The following NETO1 variants were observed in gnomAD, a reference collection of about 807,000 sequenced individuals.
NETO1 encodes neuropilin and tolloid-like protein 1.
NETO1 carries 26 observed loss-of-function variants against 61.3 expected under a neutral mutation model. The observed-to-expected ratio is 0.42, with a 90% confidence interval of 0.31 to 0.59. The LOEUF is 0.59. NETO1 is among the 20% of genes least tolerant of loss of function. The pLI is 0.12. For synonymous variants in NETO1, 225 were observed against 225.8 expected, an observed-to-expected ratio of 1.00 and a Z score of 0.03; for missense variants, 531 against 662.8, an observed-to-expected ratio of 0.80 and a Z score of 2.18.
chr18:72,853,563 G>A (rs1007612131), intron 4 of NETO1, among the ~76,000 whole-genome samples: 1 of 152,008 alleles, frequency 6.6e-6, no homozygotes, highest in African/African-American at 2.4e-5. Context: ...TTCAAGACTG[G>A]TCTGGCCAAC....
intron 4 of NETO1, among the ~76,000 whole-genome samples, chr18:72,816,614 A>C (rs1041529825): frequency 6.6e-6 from 1 of 152,174 alleles, no homozygotes; most frequent in African/African-American, 2.4e-5. Flanking sequence ...GGCAGCAGCA[A>C]GGAGAATTTC....
chr18:72,768,497 C>G (rs1346511025), intron 7 of NETO1, among the ~76,000 whole-genome samples: 2 of 152,170 alleles, frequency 1.3e-5, no homozygotes, highest in Admixed American at 6.6e-5. Context: ...TAAATAATGG[C>G]TCTCCAAGTT....
intron 6 of NETO1, among the ~76,000 whole-genome samples, chr18:72,786,834 T>C (rs998422378): frequency 2.0e-5 from 3 of 151,694 alleles, no homozygotes; most frequent in African/African-American, 7.3e-5. Flanking sequence ...AAAAGATTTT[T>C]TTTTCAGATG....
intron 3 of NETO1, among the ~76,000 whole-genome samples, chr18:72,861,440 C>T (rs1458413241): frequency 6.6e-6 from 1 of 152,154 alleles, no homozygotes; most frequent in Non-Finnish European, 1.5e-5. Context: ...CTTCAATTTG[C>T]TTCACCTTCA....
intron 6 of NETO1, among the ~76,000 whole-genome samples, chr18:72,786,927 C>A (rs944499982): frequency 6.7e-6 from 1 of 148,970 alleles, no homozygotes; most frequent in Non-Finnish European, 1.5e-5. Flanking sequence ...AACAAACAAA[C>A]AAAAAAGGCT....
chr18:72,757,304 T>C (rs2070815962), intron 7 of NETO1, among the ~76,000 whole-genome samples: 1 of 152,152 alleles, frequency 6.6e-6, no homozygotes, highest in South Asian at 2.1e-4. Context: ...TTCTTTACTA[T>C]ATTTGCTACA....
At position 72,746,780 on chromosome 18, in the gene NETO1, TA is replaced by T. The variant is rs1371896571; in HGVS notation, c.*1398del. On this transcript the variant is annotated 3_prime_UTR_variant, in exon 11 of 11. Transcript: ENST00000327305. Reference sequence around the variant, plus strand: ...TGTTGGGAAGCATATATACTGATAGTAATTCTTATTTTAAAAATTTATTTTG... The same window carrying T: ...TGTTGGGAAGCATATATACTGATAGTATTCTTATTTTAAAAATTTATTTTG... Among the ~76,000 whole-genome samples the T allele has an allele frequency of 1.3e-5, 2 of 152,040 alleles. No homozygotes were observed. The highest frequency in any genetic ancestry group is 2.1e-4 in the South Asian group (1 of 4,832).
intron 4 of NETO1, among the ~76,000 whole-genome samples, chr18:72,842,009 T>A (rs537310889): frequency 6.6e-6 from 1 of 152,266 alleles, no homozygotes; most frequent in African/African-American, 2.4e-5. Flanking sequence ...ATGCTATTTT[T>A]CCACTTAGTA....
chr18:72,850,667 C>A (rs1052073464), intron 4 of NETO1, among the ~76,000 whole-genome samples: 2 of 152,178 alleles, frequency 1.3e-5, no homozygotes, highest in African/African-American at 4.8e-5. Context: ...AGCCCAGTAA[C>A]TAAAGACATT....
intron 4 of NETO1, among the ~76,000 whole-genome samples, chr18:72,853,039 T>A (rs976142933): frequency 6.6e-6 from 1 of 151,964 alleles, no homozygotes; most frequent in African/African-American, 2.4e-5. Context: ...TTCACCATGT[T>A]GGCCAGGTTG....
intron 4 of NETO1, among the ~76,000 whole-genome samples, chr18:72,795,041 C>T (rs899419035): frequency 6.6e-6 from 1 of 152,136 alleles, no homozygotes; most frequent in African/African-American, 2.4e-5. Context: ...AACTCAACAC[C>T]CACTCTCCCT....
At chr18:72,838,411 T>C (rs151044820) in intron 4 of NETO1, among the ~76,000 whole-genome samples, 1 of 152,338 alleles carries the variant, frequency 6.6e-6, no homozygotes, top group Non-Finnish European at 1.5e-5. Context: ...ATCTCCCTGA[T>C]ATGCCACCTG....
intron 7 of NETO1, among the ~76,000 whole-genome samples, chr18:72,779,205 A>T (rs2071656821): frequency 6.6e-6 from 1 of 152,040 alleles, no homozygotes; most frequent in Non-Finnish European, 1.5e-5. Context: ...ATGTTAGATA[A>T]TACATATAAC....
In NETO1 at chr18:72,778,960, G is replaced by A. The variant is rs149936979; in HGVS notation, c.868+4718C>T. Among the ~76,000 whole-genome samples, 346 of 152,266 alleles carry A rather than the reference G, an allele frequency of 2.3e-3. 2 individuals carry two copies. Among genetic ancestry groups the A allele is most frequent in the African/African-American group, 8.1e-3 (335 of 41,556 alleles). On this transcript the variant is annotated intron_variant, in intron 7 of 10. Transcript: ENST00000327305. ...TGGGCTGCTAGAACAAAATACCATA[G>A]ACTAGATGGCTTGTAAACAACATTA...
At position 72,808,292 on chromosome 18, in the gene NETO1, C is replaced by T. The variant is rs545158455; in HGVS notation, c.470-13888G>A. Among the ~76,000 whole-genome samples the T allele has an allele frequency of 3.9e-5, 6 of 152,288 alleles. No homozygotes were observed. The South Asian group carries it at 8.3e-4, about 21-fold the overall frequency. The stretch of plus-strand genomic sequence containing the variant: ...AAGACATAACTTCTCCTAAGAACTA[C>T]ATGAGTGTCTAGGAATAACGAAGTG... On this transcript the variant is annotated intron_variant, in intron 4 of 10. Transcript: ENST00000327305.
chr18:72,750,581 G>A lies in NETO1; in HGVS notation c.1022C>T (p.Thr341Ile), dbSNP rs147987560. The change falls in exon 9 of 11, where the codon ACC (threonine) becomes ATC (isoleucine). Residue 341 changes from threonine to isoleucine, a missense_variant. Coordinates refer to ENST00000327305, the MANE Select transcript of NETO1 (RefSeq NM_138966.5). ...AGTCACGCCAATGACAGTCCCACTG[G>A]TGTTGGTCAGCTGGTCCAGCAGGCT... is the stretch of plus-strand genomic sequence containing the variant. The part of the protein sequence containing the change: ...KTSLLDQLTN[T>I]SGTVIGVTSC... 1.9e-6 allele frequency: 3 copies of A among 1,610,582 alleles called. No homozygotes were observed. Among genetic ancestry groups the A allele is most frequent in the Non-Finnish European group, 1.7e-6 (2 of 1,179,540 alleles).
chr18:72,834,092 A>G (rs1490503625), intron 4 of NETO1: 40 of 941,014 alleles, frequency 4.3e-5, no homozygotes, highest in Admixed American at 6.2e-5. Flanking sequence ...TACTTGTATT[A>G]TTGTCTTGGC....
chr18:72,839,763 T>C (rs966852004), intron 4 of NETO1, among the ~76,000 whole-genome samples: 1 of 150,026 alleles, frequency 6.7e-6, no homozygotes, highest in South Asian at 2.2e-4. Context: ...AAACTTTTCC[T>C]GTGATCCAAA....
chr18:72,866,700 T>G, intron 1 of NETO1: 1 of 985,714 alleles, frequency 1.0e-6, no homozygotes, highest in Non-Finnish European at 1.2e-6. Context: ...GATACTATTT[T>G]CCTCTCATTC....
Sources: allele counts gnomAD v4.1 joint callset (sites outside exome capture counted in the v4.1 genomes callset), GRCh38; gene constraint gnomAD v4.1.1; transcripts MANE v1.5; gene names NCBI Gene and HGNC (gene_info 2026-07-23, HGNC 2026-07-21).